CRHR2: variants seen among roughly 807,000 people sequenced by gnomAD.
CRHR2 encodes corticotropin-releasing hormone receptor 2.
CRHR2 carries 53 observed loss-of-function variants against 57.9 expected under a neutral mutation model. The ratio of observed to expected loss-of-function variants is 0.92; its 90% CI spans 0.73 to 1.15. The LOEUF is 1.15. CRHR2 is among the 50% of genes most tolerant of loss of function. CRHR2 has a pLI of 0.00. For missense variants in CRHR2, 532 were observed against 542.6 expected (o/e 0.98, Z 0.19); for synonymous variants, 213 against 220.9 (o/e 0.96, Z 0.32).
chr7:30,677,180 G>C (rs1784545434), intron 2 of CRHR2, among the ~76,000 whole-genome samples: 1 of 151,726 alleles, frequency 6.6e-6, no homozygotes, highest in Non-Finnish European at 1.5e-5. Flanking sequence ...GGATGAAGAA[G>C]GCAGTAGGGA....
rs1483434401 is a variant in CRHR2, at chr7:30,663,783, C to G, written c.544-936G>C. ...GTCATCTTCCCCACAGGCTCATCCC[C>G]AGGGCACCCTGAGAGCCAAGGCTGG... On this transcript the variant is annotated intron_variant, in intron 5 of 11. Coordinates refer to ENST00000471646, the MANE Select transcript of CRHR2 (RefSeq NM_001883.5). Among the ~76,000 whole-genome samples the G allele has an allele frequency of 2.6e-5, 4 of 152,374 alleles. No individual in the cohort carries two copies. In the East Asian group the frequency reaches 7.7e-4, roughly 29 times the overall value.
intron 2 of CRHR2, among the ~76,000 whole-genome samples, chr7:30,680,998 G>A (rs948411641): frequency 1.3e-5 from 2 of 152,066 alleles, no homozygotes; most frequent in African/African-American, 2.4e-5. Flanking sequence ...TATCAGGGGG[G>A]TTCTAGGTGG....
At position 30,653,148 on chromosome 7, in the gene CRHR2, TCTCTG is replaced by T. The variant is rs1245454102; in HGVS notation, c.*307_*311del. 3.0e-6 allele frequency: 1 copy of T among 330,370 alleles called. No individual in the cohort carries two copies. Among genetic ancestry groups the T allele is most frequent in the Non-Finnish European group, 5.6e-6 (1 of 177,452 alleles). 20.5% of individuals were successfully genotyped at this position (330,370 alleles called of 1,614,324 possible). A position where few individuals can be genotyped will look rare whatever the true frequency, so the allele number is the denominator to read the frequency against. ...TAGCTGTGTGTGTTGGACAGGTCCT[TCTCTG>T]CTCTGGGCCCAGTAAGGCCCTGGCC... On this transcript the variant is annotated 3_prime_UTR_variant, in exon 12 of 12. Transcript: ENST00000471646. This position sits in a 1 kb window ranked among gnomAD's most constrained non-coding sequence, Gnocchi z 5.0.
chr7:30,668,800 A>G (rs1784266060), intron 2 of CRHR2, among the ~76,000 whole-genome samples: 1 of 152,154 alleles, frequency 6.6e-6, no homozygotes, highest in Non-Finnish European at 1.5e-5. Flanking sequence ...CATCCCTGGC[A>G]GGGCCCTGCC....
intron 8 of CRHR2, among the ~76,000 whole-genome samples, chr7:30,659,566 G>A (rs936396910): frequency 6.6e-6 from 1 of 152,182 alleles, no homozygotes; most frequent in African/African-American, 2.4e-5. Context: ...CCTGGCTTCT[G>A]CCTCTGAAGC....
chr7:30,682,403 C>G lies in CRHR2; in HGVS notation c.-123G>C, dbSNP rs544660591. 5 of 1,369,678 alleles carry G rather than the reference C, an allele frequency of 3.7e-6. No individual in the cohort carries two copies. The highest frequency in any genetic ancestry group is 1.5e-5 in the African/African-American group (1 of 65,390). 84.8% of individuals were successfully genotyped at this position (1,369,678 alleles called of 1,614,324 possible). On this transcript the variant is annotated 5_prime_UTR_variant, in exon 1 of 12. Coordinates refer to ENST00000471646, the MANE Select transcript of CRHR2 (RefSeq NM_001883.5). ...GTCCTGGCCCCCGCCAGCCCAGCCCCGATCTCCCGGGCAGCCTTTGGGCGC... is the reference window on the plus strand; with the variant it reads ...GTCCTGGCCCCCGCCAGCCCAGCCCGGATCTCCCGGGCAGCCTTTGGGCGC...
Position 30,682,440 on chromosome 7 carries a change from G to A in CRHR2, c.-160C>T. 2 of 1,354,572 alleles carry A rather than the reference G, an allele frequency of 1.5e-6. No individual in the cohort carries two copies. The highest frequency in any genetic ancestry group is 3.1e-5 in the East Asian group (1 of 32,148). 83.9% of individuals were successfully genotyped at this position (1,354,572 alleles called of 1,614,324 possible). On this transcript the variant is annotated 5_prime_UTR_variant, in exon 1 of 12. Transcript: ENST00000471646. Reference sequence around the variant, plus strand: ...CAGCCTTTGGGCGCCACCTCCGGTCGCCCAGAGCTGTCAAGTGGGGACCTT... The same window carrying A: ...CAGCCTTTGGGCGCCACCTCCGGTCACCCAGAGCTGTCAAGTGGGGACCTT...
chr7:30,680,736 G>C (rs556143759), intron 2 of CRHR2, among the ~76,000 whole-genome samples: 1 of 152,150 alleles, frequency 6.6e-6, no homozygotes, highest in Non-Finnish European at 1.5e-5. Flanking sequence ...GGAGAGTGCG[G>C]CTTGGCATCA....
At position 30,696,565 on chromosome 7, in the gene CRHR2, C is replaced by CA. The variant is rs200761064; in HGVS notation, c.-261+3378dup. Among the ~76,000 whole-genome samples, 723 of 150,932 alleles carry CA rather than the reference C, an allele frequency of 4.8e-3. 1 individual carries two copies. The highest frequency in any genetic ancestry group is 0.014 in the South Asian group (67 of 4,766). On this transcript the variant is annotated intron_variant, in intron 1 of 13. Transcript: ENST00000341843. ...TGAAACCCAATCTCTACTAAAAGTA[C>CA]AAAAAAAAATTAGCTGGGTATGTTG...
intron 2 of CRHR2, 71 bp from the exon 3 acceptor site, chr7:30,667,384 C>T: frequency 2.2e-6 from 3 of 1,338,182 alleles, no homozygotes; most frequent in South Asian, 1.2e-5. Context: ...CTCCCTGGTG[C>T]CCACAGGATA....
rs1784738818 is a variant in CRHR2, at chr7:30,682,195, G to A, written c.86C>T (p.Pro29Leu). 5.7e-6 allele frequency: 9 copies of A among 1,585,352 alleles called. No individual in the cohort carries two copies. The highest frequency in any genetic ancestry group is 7.7e-6 in the Non-Finnish European group (9 of 1,174,140). ...CCGCCTACCCTCGGGGTCCAGGGGT[G>A]GCCCCCAGCCGTCCAAGAGCAGCTC... ...AEELLLDGWG[P>L]PLDPEGPYSY... Residue 29 changes from proline (P) to leucine (L), a missense_variant, in exon 1 of 12, where the codon CCA becomes CTA. Physicochemically the swap from Pro to Leu is moderately conservative, Grantham distance 98. Transcript: ENST00000471646.
At chr7:30,669,405 G>C (rs951791122) in intron 2 of CRHR2, among the ~76,000 whole-genome samples, 1 of 152,186 alleles carries the variant, frequency 6.6e-6, no homozygotes, top group African/African-American at 2.4e-5. Flanking sequence ...CCTGAGGACA[G>C]GGCCTTGGAA....
At chr7:30,699,968 G>A in exon 1 of CRHR2, 1 of 1,491,072 alleles carries the variant, frequency 6.7e-7, no homozygotes, top group East Asian at 2.8e-5. Context: ...GTGGGAGGAG[G>A]CAGAGCAGGC....
chr7:30,676,425 G>T (rs931765693), intron 2 of CRHR2, among the ~76,000 whole-genome samples: 1 of 152,160 alleles, frequency 6.6e-6, no homozygotes. Flanking sequence ...TGAGTTTCCG[G>T]ATTTACAGCT....
At chr7:30,694,022 C>G (rs1426290766) in intron 1 of CRHR2, among the ~76,000 whole-genome samples, 4 of 152,214 alleles carry the variant, frequency 2.6e-5, no homozygotes, top group Admixed American at 2.0e-4. Context: ...TGACTGTAGG[C>G]TGTGGGAGCA....
intron 1 of CRHR2, among the ~76,000 whole-genome samples, chr7:30,689,836 T>C (rs1421447597): frequency 2.6e-5 from 4 of 152,036 alleles, no homozygotes; most frequent in Non-Finnish European, 5.9e-5. Flanking sequence ...ACGAAGAGCA[T>C]TAGGTTAATA....
Position 30,682,235 on chromosome 7 carries a change from G to A in CRHR2, c.46C>T (p.Leu16=). The part of the protein sequence containing the change: ...LHSLLEANCS[L]ALAEELLLDG... ...AAGAGCAGCTCTTCAGCCAGCGCCAGGCTGCAGTTGGCCTCCAGCAGGCTG... is the reference window on the plus strand; with the variant it reads ...AAGAGCAGCTCTTCAGCCAGCGCCAAGCTGCAGTTGGCCTCCAGCAGGCTG... Residue 16 remains leucine (L), a synonymous_variant, in exon 1 of 12, where the codon CTG becomes TTG. Coordinates refer to ENST00000471646, the MANE Select transcript of CRHR2 (RefSeq NM_001883.5). 1.3e-6 allele frequency: 2 copies of A among 1,589,490 alleles called. No homozygotes were observed. The highest frequency in any genetic ancestry group is 1.7e-6 in the Non-Finnish European group (2 of 1,175,298).
chr7:30,697,738 T>G (rs1785085772), intron 1 of CRHR2, among the ~76,000 whole-genome samples: 2 of 152,172 alleles, frequency 1.3e-5, no homozygotes, highest in South Asian at 4.1e-4. Context: ...CATAATGTCT[T>G]TTCAGGGTTG....
intron 1 of CRHR2, among the ~76,000 whole-genome samples, chr7:30,697,327 T>C (rs1685967797): frequency 6.6e-6 from 1 of 152,186 alleles, no homozygotes; most frequent in South Asian, 2.1e-4. Flanking sequence ...TCCAAGGAGC[T>C]GGACTTAGTC....
Sources: gnomAD v4.1 joint callset for allele counts (sites outside exome capture counted in the v4.1 genomes callset) on GRCh38, gnomAD v4.1.1 for gene constraint, Gnocchi (gnomAD v3.1) non-coding constraint, MANE v1.5 for transcripts, NCBI Gene and HGNC (gene_info 2026-07-23, HGNC 2026-07-21) for gene names.